IDE: variants seen among roughly 807,000 people sequenced by gnomAD.
The protein encoded by IDE is insulin degrading enzyme.
Under a neutral mutation model 133.2 loss-of-function variants are expected in IDE, and 58 were observed. That is an observed-to-expected ratio of 0.44 (90% CI 0.35 to 0.54). The LOEUF is 0.54. Ranked by LOEUF, IDE falls within the 20% of genes least tolerant of loss-of-function variation. The pLI, the probability that IDE is intolerant of heterozygous loss-of-function variation, is 0.00. For missense variants in IDE, 981 were observed against 1,234.0 expected, an observed-to-expected ratio of 0.79 and a Z score of 3.07; for synonymous variants, 396 against 421.3, an observed-to-expected ratio of 0.94 and a Z score of 0.73.
intron 6 of IDE, 126 bp downstream of exon 6, chr10:92,509,921 CAAA>C (rs11324773): frequency 5.1e-3 from 1,708 of 334,176 alleles, no homozygotes; most frequent in South Asian, 8.8e-3. Flanking sequence ...ACTCTGTTTC[CAAA>C]AAAAAAAAAA....
At chr10:92,478,891 G>T in intron 15 of IDE, 1 of 450,824 alleles carries the variant, frequency 2.2e-6, no homozygotes, top group Non-Finnish European at 3.1e-6. Flanking sequence ...CTCATGATCT[G>T]GATTTCTAGG....
intron 1 of IDE, among the ~76,000 whole-genome samples, chr10:92,564,665 CTG>C (rs1843434765): frequency 1.4e-5 from 1 of 69,352 alleles, no homozygotes; most frequent in African/African-American, 5.4e-5. Flanking sequence ...TAAAGCGAGA[CTG>C]TCTCAAAAAA....
intron 1 of IDE, among the ~76,000 whole-genome samples, chr10:92,538,996 C>T (rs933535167): frequency 1.3e-5 from 2 of 152,056 alleles, no homozygotes; most frequent in Non-Finnish European, 2.9e-5. Context: ...AAGAAATAGG[C>T]ATACAATTAT....
intron 1 of IDE, among the ~76,000 whole-genome samples, chr10:92,561,414 C>T (rs888796144): frequency 1.3e-5 from 2 of 151,980 alleles, no homozygotes; most frequent in African/African-American, 4.8e-5. Flanking sequence ...TGATAATCTT[C>T]GTAAACTTTA....
At chr10:92,490,406 C>T in intron 12 of IDE, 87 bp downstream of exon 12, 1 of 821,786 alleles carries the variant, frequency 1.2e-6, no homozygotes, top group Non-Finnish European at 2.1e-6. Flanking sequence ...GTCTTCCACA[C>T]TCTGGGGCCT....
In IDE at chr10:92,542,844, C is replaced by T. The variant is rs1842375481; in HGVS notation, c.99-5294G>A. Among the ~76,000 whole-genome samples the T allele has an allele frequency of 2.0e-5, 3 of 152,158 alleles. No individual in the cohort carries two copies. In the South Asian group the frequency reaches 6.2e-4, roughly 32 times the overall value. On this transcript the variant is annotated intron_variant, in intron 1 of 24. Transcript: ENST00000265986. Reference sequence around the variant, plus strand: ...GATCATGGACTAAGACATGTAAAGGCCTAAATTTCAGGTTTGCAAAAACAA... The same window carrying T: ...GATCATGGACTAAGACATGTAAAGGTCTAAATTTCAGGTTTGCAAAAACAA...
At chr10:92,497,266 T>C (rs1344767290) in intron 11 of IDE, among the ~76,000 whole-genome samples, 4 of 152,172 alleles carry the variant, frequency 2.6e-5, no homozygotes, top group African/African-American at 9.7e-5. Flanking sequence ...TGAGTAATAA[T>C]AGGTAAACAC....
In IDE at chr10:92,551,824, C is replaced by T. The variant is rs139167064; in HGVS notation, c.99-14274G>A. Among the ~76,000 whole-genome samples the T allele has an allele frequency of 6.0e-4, 91 of 151,622 alleles. 1 individual carries two copies. The East Asian group carries it at 0.015, about 26-fold the overall frequency. The stretch of plus-strand genomic sequence containing the variant: ...ACAACGTGGATGTATTTACTGCCAC[C>T]GAACAATACACTTAAAAATGCTCAA... On this transcript the variant is annotated intron_variant, in intron 1 of 24. Coordinates refer to ENST00000265986, the MANE Select transcript of IDE (RefSeq NM_004969.4).
At chr10:92,502,469 T>C (rs1304836772) in intron 11 of IDE, among the ~76,000 whole-genome samples, 3 of 152,220 alleles carry the variant, frequency 2.0e-5, no homozygotes, top group South Asian at 2.1e-4. Context: ...AGATATGCAG[T>C]TGATTTTTGT....
intron 13 of IDE, 112 bp downstream of exon 13, chr10:92,487,081 TAGG>T: frequency 1.1e-6 from 1 of 940,662 alleles, no homozygotes; most frequent in South Asian, 1.9e-5. Context: ...TGTCACCTAT[TAGG>T]ATGTGAGCCT....
At chr10:92,556,319 T>C (rs1053454613) in intron 1 of IDE, among the ~76,000 whole-genome samples, 4 of 151,380 alleles carry the variant, frequency 2.6e-5, no homozygotes, top group Admixed American at 2.6e-4. Flanking sequence ...CAATTAATAA[T>C]AGCATCAAAA....
At chr10:92,464,081 G>T (rs1374838856) in intron 20 of IDE, 78 bp from the exon 21 acceptor site, 4 of 1,396,070 alleles carry the variant, frequency 2.9e-6, no homozygotes, top group Non-Finnish European at 3.9e-6. Flanking sequence ...AAACTAACCT[G>T]TCTGAGCAAA....
intron 11 of IDE, among the ~76,000 whole-genome samples, chr10:92,495,495 A>T (rs965914162): frequency 1.3e-5 from 2 of 152,090 alleles, no homozygotes; most frequent in Admixed American, 6.6e-5. Flanking sequence ...CTGGGATTAG[A>T]GGCATGAGCC....
At chr10:92,460,262 G>A (rs1162832916) in intron 22 of IDE, among the ~76,000 whole-genome samples, 1 of 152,174 alleles carries the variant, frequency 6.6e-6, no homozygotes, top group East Asian at 1.9e-4. Flanking sequence ...ATTCAAAGGT[G>A]AGTAATCATT....
At position 92,504,881 on chromosome 10, in the gene IDE, T is replaced by G; in HGVS notation, c.1343A>C (p.Glu448Ala). ...AGILHYYPLE[E>A]VLTAEYLLEE... ...CAGTAAATATTCCGCTGTGAGCACC[T>G]CTTCTAGGGGATAATACTTTTAAAA... The change falls in exon 11 of 25, where the codon GAG becomes GCG. Residue 448 changes from glutamate to alanine, a missense_variant. This residue lies in a region of IDE where 660 missense variants were observed against 894.7 expected (regional missense o/e 0.74). Coordinates refer to ENST00000265986, the MANE Select transcript of IDE (RefSeq NM_004969.4). The G allele has an allele frequency of 6.6e-7, 1 of 1,526,536 alleles. No homozygotes were observed. Among genetic ancestry groups the G allele is most frequent in the Non-Finnish European group, 9.0e-7 (1 of 1,116,484 alleles). 94.6% of individuals were successfully genotyped at this position (1,526,536 alleles called of 1,614,324 possible).
At chr10:92,562,774 A>T (rs1366208851) in intron 1 of IDE, among the ~76,000 whole-genome samples, 1 of 152,244 alleles carries the variant, frequency 6.6e-6, no homozygotes, top group Non-Finnish European at 1.5e-5. Flanking sequence ...AAAGAAGGAA[A>T]ATCAGGTGAC....
chr10:92,509,632 A>G (rs774115459), intron 6 of IDE, among the ~76,000 whole-genome samples: 5 of 151,828 alleles, frequency 3.3e-5, no homozygotes, highest in Non-Finnish European at 7.4e-5. Flanking sequence ...AAAAAACACT[A>G]CATAGGGGCT....
At chr10:92,533,951 AG>A (rs1850084683) in intron 3 of IDE, among the ~76,000 whole-genome samples, 1 of 152,172 alleles carries the variant, frequency 6.6e-6, no homozygotes, top group South Asian at 2.1e-4. Context: ...TGAACCCGGA[AG>A]GCGAAGGTTG....
chr10:92,560,540 C>T (rs1366752316), intron 1 of IDE, among the ~76,000 whole-genome samples: 8 of 151,250 alleles, frequency 5.3e-5, no homozygotes, highest in South Asian at 4.2e-4. Context: ...CCCAGCACTT[C>T]GGGAGGCCCT....
Sources: gnomAD v4.1 joint callset for allele counts (sites outside exome capture counted in the v4.1 genomes callset) on GRCh38, gnomAD v4.1.1 for gene constraint, gnomAD v4.1.1 regional missense constraint, MANE v1.5 for transcripts, NCBI Gene and HGNC (gene_info 2026-07-23, HGNC 2026-07-21) for gene names.